The following ARHGAP10 variants were observed in gnomAD, a reference collection of about 807,000 sequenced individuals.
The protein encoded by ARHGAP10 is rho GTPase-activating protein 10.
A neutral mutation model predicts 108.6 loss-of-function variants in ARHGAP10; 87 were observed. That is an observed-to-expected ratio of 0.80 (90% CI 0.67 to 0.96). The LOEUF is 0.96. Ranked by LOEUF, ARHGAP10 falls within the 40% of genes least tolerant of loss-of-function variation. The pLI is 0.00. For synonymous variants in ARHGAP10, 347 were observed against 341.1 expected (o/e 1.02, Z -0.19); for missense variants, 939 against 954.5 (o/e 0.98, Z 0.21).
At chr4:147,875,243 C>A in intron 8 of ARHGAP10, 93 bp downstream of exon 8, 1 of 1,336,076 alleles carries the variant, frequency 7.5e-7, no homozygotes, top group Non-Finnish European at 9.9e-7. Context: ...ACATTTTGGG[C>A]AATTATTCCT....
At chr4:147,841,934 C>T (rs925057317) in intron 3 of ARHGAP10, among the ~76,000 whole-genome samples, 2 of 152,058 alleles carry the variant, frequency 1.3e-5, no homozygotes, top group Non-Finnish European at 2.9e-5. Flanking sequence ...TTATATTCTT[C>T]CTCCCACGTC....
chr4:148,048,608 C>T (rs1728991054), intron 20 of ARHGAP10, among the ~76,000 whole-genome samples: 2 of 152,270 alleles, frequency 1.3e-5, no homozygotes, highest in Middle Eastern at 3.4e-3. Flanking sequence ...TGGTTACACT[C>T]GAGGTGGAAT....
intron 1 of ARHGAP10, among the ~76,000 whole-genome samples, chr4:147,741,792 GCACACACA>G (rs112095776): frequency 0.053 from 3,059 of 57,610 alleles, 108 homozygotes; most frequent in African/African-American, 0.086. Context: ...ACACACACAC[GCACACACA>G]CACACACACA....
chr4:148,070,049 T>C (rs1730095852), intron 22 of ARHGAP10, among the ~76,000 whole-genome samples: 1 of 152,248 alleles, frequency 6.6e-6, no homozygotes, highest in South Asian at 2.1e-4. Flanking sequence ...GCTTACTCAG[T>C]CATTACACAG....
At chr4:147,753,757 G>A (rs575220828) in intron 1 of ARHGAP10, among the ~76,000 whole-genome samples, 7 of 152,138 alleles carry the variant, frequency 4.6e-5, no homozygotes, top group Admixed American at 2.0e-4. Flanking sequence ...TTCCCCTTTC[G>A]AAACTATTTT....
At chr4:147,774,620 A>G (rs921663062) in intron 1 of ARHGAP10, among the ~76,000 whole-genome samples, 3 of 152,076 alleles carry the variant, frequency 2.0e-5, no homozygotes, top group Admixed American at 6.5e-5. Flanking sequence ...TGTTTATTTC[A>G]TGAGAGGGTG....
chr4:147,831,782 T>C (rs1732961024), intron 3 of ARHGAP10, among the ~76,000 whole-genome samples: 1 of 152,202 alleles, frequency 6.6e-6, no homozygotes, highest in African/African-American at 2.4e-5. Flanking sequence ...ATTTACTGAC[T>C]CAGAATCCTA....
At chr4:147,740,573 A>G (rs1378716247) in intron 1 of ARHGAP10, among the ~76,000 whole-genome samples, 1 of 152,132 alleles carries the variant, frequency 6.6e-6, no homozygotes, top group Non-Finnish European at 1.5e-5. Context: ...CCATTATTAT[A>G]ATTTAAACTG....
At chr4:148,021,884 T>A (rs544057468) in intron 18 of ARHGAP10, among the ~76,000 whole-genome samples, 124 of 152,332 alleles carry the variant, frequency 8.1e-4, no homozygotes, top group Non-Finnish European at 1.4e-3. Context: ...CTACAGTAAC[T>A]TAAATCATTT....
chr4:147,874,872 C>G, intron 7 of ARHGAP10, 149 bp from the exon 8 acceptor site: 2 of 766,078 alleles, frequency 2.6e-6, no homozygotes, highest in Non-Finnish European at 3.7e-6. Flanking sequence ...AGGAGGCACA[C>G]TGGAAAGAAT....
intron 18 of ARHGAP10, among the ~76,000 whole-genome samples, chr4:147,982,365 C>CTTTTTTT (rs70958599): frequency 3.1e-4 from 39 of 124,580 alleles, no homozygotes; most frequent in South Asian, 5.0e-4. Flanking sequence ...TTCTTTCTTT[C>CTTTTTTT]TTTTTTTTTT....
chr4:147,762,677 C>T (rs1347986883), intron 1 of ARHGAP10, among the ~76,000 whole-genome samples: 1 of 151,230 alleles, frequency 6.6e-6, no homozygotes, highest in Non-Finnish European at 1.5e-5. Flanking sequence ...CTACAGGTGC[C>T]TGCCACCACG....
chr4:147,804,018 G>A (rs999776867), intron 1 of ARHGAP10, among the ~76,000 whole-genome samples: 3 of 149,438 alleles, frequency 2.0e-5, no homozygotes, highest in African/African-American at 4.9e-5. Context: ...TTTCTTTCAG[G>A]TTCAGGGGTA....
chr4:147,955,857 C>T (rs567928153), intron 16 of ARHGAP10, among the ~76,000 whole-genome samples: 1 of 152,204 alleles, frequency 6.6e-6, no homozygotes, highest in South Asian at 2.1e-4. Context: ...AATGCCAGAA[C>T]TCCAAACAGT....
intron 18 of ARHGAP10, among the ~76,000 whole-genome samples, chr4:147,972,185 ATAGT>A (rs1739437341): frequency 6.6e-6 from 1 of 152,176 alleles, no homozygotes; most frequent in African/African-American, 2.4e-5. Flanking sequence ...AACGTAAGGT[ATAGT>A]TAAAGACATG....
chr4:147,823,136 G>A (rs1029707876), intron 3 of ARHGAP10, among the ~76,000 whole-genome samples, 179 bp downstream of exon 3: 2 of 152,174 alleles, frequency 1.3e-5, no homozygotes, highest in Non-Finnish European at 2.9e-5. Flanking sequence ...TGCTGACCAC[G>A]GTCAGAACTT....
chr4:147,968,899 G>T (rs766615258), intron 18 of ARHGAP10, among the ~76,000 whole-genome samples: 2 of 152,172 alleles, frequency 1.3e-5, no homozygotes, highest in Admixed American at 1.3e-4. Flanking sequence ...ATCTGGGGGC[G>T]GAAGCCATGT....
chr4:148,007,372 C>G (rs931987807), intron 18 of ARHGAP10, among the ~76,000 whole-genome samples: 1 of 152,114 alleles, frequency 6.6e-6, no homozygotes, highest in Non-Finnish European at 1.5e-5. Context: ...GAAGGGAGCT[C>G]GGATTCCAGC....
intron 1 of ARHGAP10, among the ~76,000 whole-genome samples, chr4:147,812,097 TGCATAGCAG>T (rs1408495690): frequency 2.0e-5 from 3 of 152,142 alleles, no homozygotes; most frequent in African/African-American, 7.2e-5. Context: ...GGGTGAGAGT[TGCATAGCAG>T]GCATGCCTTG....
Sources: allele counts gnomAD v4.1 joint callset (sites outside exome capture counted in the v4.1 genomes callset), GRCh38; gene constraint gnomAD v4.1.1; transcripts MANE v1.5; gene names NCBI Gene and HGNC (gene_info 2026-07-23, HGNC 2026-07-21).